The following ECPAS variants were observed in gnomAD, a reference collection of about 807,000 sequenced individuals.
ECPAS encodes the protein proteasome adapter and scaffold protein ECM29.
In ECPAS, 70 loss-of-function variants were observed where a neutral mutation model predicts 255.1. The ratio of observed to expected loss-of-function variants is 0.27; its 90% CI spans 0.23 to 0.33. ECPAS has a LOEUF of 0.33. Ranked by LOEUF, ECPAS falls within the 10% of genes least tolerant of loss-of-function variation. The pLI is 1.00. For synonymous variants in ECPAS, 784 were observed against 775.0 expected (o/e 1.01, Z -0.19); for missense variants, 1,817 against 2,206.4 (o/e 0.82, Z 3.54).
chr9:111,375,248 C>A, intron 37 of ECPAS, 46 bp from the exon 38 acceptor site: 1 of 1,439,396 alleles, frequency 6.9e-7, no homozygotes, highest in South Asian at 1.2e-5. Flanking sequence ...GCAAATAAGT[C>A]AGGACCACAT....
intron 3 of ECPAS, among the ~76,000 whole-genome samples, 198 bp downstream of exon 3, chr9:111,451,227 G>A (rs922757811): frequency 1.3e-5 from 2 of 152,094 alleles, no homozygotes; most frequent in African/African-American, 4.8e-5. Flanking sequence ...GTAGACAGTT[G>A]GTGCTAAATG....
chr9:111,481,591 T>C (rs914260800), intron 1 of ECPAS, among the ~76,000 whole-genome samples: 2 of 152,188 alleles, frequency 1.3e-5, no homozygotes, highest in African/African-American at 2.4e-5. Context: ...GCAATTACAT[T>C]TCTGGGTATG....
At chr9:111,465,469 G>A (rs1411769093) in intron 2 of ECPAS, among the ~76,000 whole-genome samples, 1 of 152,124 alleles carries the variant, frequency 6.6e-6, no homozygotes, top group Non-Finnish European at 1.5e-5. Context: ...GAACCTGGGA[G>A]AAGGAGGTTG....
In ECPAS at chr9:111,451,442, C is replaced by T; in HGVS notation, c.136G>A (p.Glu46Lys). 2 of 1,573,526 alleles carry T rather than the reference C, an allele frequency of 1.3e-6. No homozygotes were observed. The highest frequency in any genetic ancestry group is 1.7e-6 in the Non-Finnish European group (2 of 1,158,684). Reference sequence around the variant, plus strand: ...ATGCTTACCTTTTTACGTACTCCTTCTTGGGTGCTAGAGAGTTTGAGCAAA... The same window carrying T: ...ATGCTTACCTTTTTACGTACTCCTTTTTGGGTGCTAGAGAGTTTGAGCAAA... ...PVLLKLSSTQ[E>K]GVRKKVMELL... The change falls in exon 3 of 50, where the codon GAA becomes AAA. Residue 46 changes from glutamate (E) to lysine (K), a missense_variant. Around this residue, in one of 4 missense-constraint regions of ECPAS, gnomAD observed 90 missense variants for 158.5 expected, o/e 0.57. Coordinates refer to ENST00000684092, the MANE Select transcript of ECPAS (RefSeq NM_001364929.1).
chr9:111,400,570 A>T (rs1163637739), intron 24 of ECPAS, among the ~76,000 whole-genome samples: 1 of 152,230 alleles, frequency 6.6e-6, no homozygotes, highest in South Asian at 2.1e-4. Context: ...TATAAGAGAA[A>T]TTTAGTAAAG....
intron 18 of ECPAS, among the ~76,000 whole-genome samples, chr9:111,415,692 G>A (rs2131750918): frequency 6.9e-6 from 1 of 145,900 alleles, no homozygotes; most frequent in East Asian, 2.0e-4. Context: ...AACAGAGTGA[G>A]ACTCCTTCTC....
intron 25 of ECPAS, among the ~76,000 whole-genome samples, chr9:111,396,576 AGTCTTACTCT>A (rs2098167988): frequency 6.6e-6 from 1 of 152,130 alleles, no homozygotes; most frequent in African/African-American, 2.4e-5. Flanking sequence ...TTTGAGACAG[AGTCTTACTCT>A]GTCGCCCAGG....
intron 8 of ECPAS, among the ~76,000 whole-genome samples, chr9:111,431,109 C>T (rs773833491): frequency 2.0e-4 from 31 of 152,138 alleles, no homozygotes; most frequent in Non-Finnish European, 3.4e-4. Context: ...TGCAAGCCAC[C>T]GTATTTCTCT....
At chr9:111,391,308 T>C (rs912975797) in intron 29 of ECPAS, among the ~76,000 whole-genome samples, 3 of 152,198 alleles carry the variant, frequency 2.0e-5, no homozygotes, top group Admixed American at 2.0e-4. Context: ...CCAGGCACAG[T>C]GGCTCACGCC....
chr9:111,471,811 T>A (rs57215604), intron 2 of ECPAS, among the ~76,000 whole-genome samples: 5 of 152,064 alleles, frequency 3.3e-5, no homozygotes, highest in Non-Finnish European at 7.4e-5. Context: ...TTCTCACAAA[T>A]AGAACAACTG....
At chr9:111,418,521 C>G (rs905797530) in intron 16 of ECPAS, among the ~76,000 whole-genome samples, 3 of 152,020 alleles carry the variant, frequency 2.0e-5, no homozygotes, top group African/African-American at 7.2e-5. Context: ...TATCCAGATA[C>G]CACATAAAGG....
intron 24 of ECPAS, among the ~76,000 whole-genome samples, chr9:111,404,291 A>T (rs2098180583): frequency 6.7e-6 from 1 of 149,894 alleles, no homozygotes; most frequent in South Asian, 2.1e-4. Context: ...AATTGAGACT[A>T]AAAAAACTAC....
At position 111,418,015 on chromosome 9, in the gene ECPAS, A is replaced by G. The variant is rs763845839; in HGVS notation, c.1560-9T>C. 1.0e-4 allele frequency: 162 copies of G among 1,576,834 alleles called. No homozygotes were observed. The highest frequency in any genetic ancestry group is 1.4e-4 in the Non-Finnish European group (159 of 1,167,456). On this transcript the variant is annotated splice_polypyrimidine_tract_variant and intron_variant, in intron 16 of 49. Transcript: ENST00000684092. ...CATGAACTTCTTCACGTCTTTCAGA[A>G]AAAGACAAATAAGAATAAAAAATAA... is the stretch of plus-strand genomic sequence containing the variant.
In ECPAS at chr9:111,425,445, G is replaced by T; in HGVS notation, c.1188C>A (p.Leu396=). Residue 396 remains leucine (L), a synonymous_variant, in exon 12 of 50, where the codon CTC becomes CTA. Coordinates refer to ENST00000684092, the MANE Select transcript of ECPAS (RefSeq NM_001364929.1). ...CTTTGTATTCATTGATTAGCTTGGT[G>T]AGGCCATTCAAAAGCATTGGACCTA... ...KPLGPMLLNG[L]TKLINEYKED... 1.9e-6 allele frequency: 3 copies of T among 1,600,796 alleles called. No homozygotes were observed. The highest frequency in any genetic ancestry group is 2.6e-6 in the Non-Finnish European group (3 of 1,174,506).
chr9:111,407,435 A>AAAAC (rs2098186633), intron 24 of ECPAS, among the ~76,000 whole-genome samples: 5 of 131,346 alleles, frequency 3.8e-5, no homozygotes, highest in Non-Finnish European at 7.7e-5. Flanking sequence ...AAAAAAAAAA[A>AAAAC]AAACCTAGAA....
intron 18 of ECPAS, 148 bp from the exon 19 acceptor site, chr9:111,414,799 C>A: frequency 1.7e-6 from 1 of 604,712 alleles, no homozygotes; most frequent in South Asian, 3.3e-5. Context: ...GAAAATATGC[C>A]ATAATGGAGC....
In ECPAS at chr9:111,390,056, A is replaced by G. The variant is rs778705173; in HGVS notation, c.3207T>C (p.Asp1069=). 6.3e-7 allele frequency: 1 copy of G among 1,599,662 alleles called. No individual in the cohort carries two copies. Among genetic ancestry groups the G allele is most frequent in the Non-Finnish European group, 8.5e-7 (1 of 1,169,654 alleles). ...TYKELCSLAS[D]LSQPDLVYKF... is the part of the protein sequence containing the mutation. ...TATACACCAGATCTGGCTGGCTAAG[A>G]TCACTTGCCAGAGAACAAAGTTCCT... is the stretch of plus-strand genomic sequence containing the variant. The change falls in exon 30 of 50, where the codon GAT becomes GAC. Residue 1069 remains aspartate (D), a synonymous_variant. Coordinates refer to ENST00000684092, the MANE Select transcript of ECPAS (RefSeq NM_001364929.1).
chr9:111,385,811 T>C (rs2098147412), intron 32 of ECPAS, among the ~76,000 whole-genome samples: 2 of 152,258 alleles, frequency 1.3e-5, no homozygotes, highest in Admixed American at 1.3e-4. Context: ...TCTTGGTGTC[T>C]ACCAATTTAA....
chr9:111,443,940 C>G (rs2098249408), intron 4 of ECPAS, among the ~76,000 whole-genome samples: 1 of 152,202 alleles, frequency 6.6e-6, no homozygotes, highest in Non-Finnish European at 1.5e-5. Context: ...TCTGAATATA[C>G]ACATCAAAAA....
Sources: gnomAD v4.1 joint callset for allele counts (sites outside exome capture counted in the v4.1 genomes callset) on GRCh38, gnomAD v4.1.1 for gene constraint, gnomAD v4.1.1 regional missense constraint, MANE v1.5 for transcripts, NCBI Gene and HGNC (gene_info 2026-07-23, HGNC 2026-07-21) for gene names.